The following NTN1 variants were observed in gnomAD, a reference collection of about 807,000 sequenced individuals.
NTN1 encodes the protein netrin 1, also known as netrin-1.
NTN1 carries 11 observed loss-of-function variants against 54.2 expected under a neutral mutation model. The ratio of observed to expected loss-of-function variants is 0.20; its 90% CI spans 0.13 to 0.34. NTN1 has a LOEUF of 0.34. Among genes scored for constraint, NTN1 ranks in the 10% least tolerant of loss-of-function variants. The pLI, the probability that NTN1 is intolerant of heterozygous loss-of-function variation, is 1.00. For missense variants in NTN1, 740 were observed against 893.1 expected, an observed-to-expected ratio of 0.83 and a Z score of 2.18; for synonymous variants, 371 against 382.0, an observed-to-expected ratio of 0.97 and a Z score of 0.33.
the NTN1 span, among the ~76,000 whole-genome samples, chr17:9,008,725 G>C: frequency 6.6e-6 from 1 of 152,234 alleles, no homozygotes; most frequent in African/African-American, 2.4e-5. Flanking sequence ...GGAAGGAAGA[G>C]AGGGCGGGAG....
chr17:9,094,182 T>A (rs553859035), intron 2 of NTN1, among the ~76,000 whole-genome samples: 1 of 152,352 alleles, frequency 6.6e-6, no homozygotes, highest in Admixed American at 6.5e-5. Flanking sequence ...TACTGATATC[T>A]TGACTCTCTT....
chr17:9,056,564 A>G (rs542408627), intron 2 of NTN1, among the ~76,000 whole-genome samples: 6 of 152,348 alleles, frequency 3.9e-5, no homozygotes, highest in Admixed American at 2.0e-4. Context: ...GAGACCACCA[A>G]GTAGGTCTGG....
intron 2 of NTN1, among the ~76,000 whole-genome samples, chr17:9,044,740 G>A (rs1489824361): frequency 1.7e-5 from 1 of 57,566 alleles, no homozygotes; most frequent in Non-Finnish European, 3.2e-5. Flanking sequence ...CCTGCTTGGG[G>A]CAAAAAAAAA....
chr17:9,092,732 C>T (rs1187096248), intron 2 of NTN1, among the ~76,000 whole-genome samples: 2 of 150,804 alleles, frequency 1.3e-5, no homozygotes, highest in East Asian at 3.9e-4. Context: ...GCTGGGATTA[C>T]AGGCGCACAC....
intron 2 of NTN1, among the ~76,000 whole-genome samples, chr17:9,098,459 G>T (rs970882451): frequency 3.1e-4 from 47 of 152,358 alleles, no homozygotes; most frequent in Non-Finnish European, 2.9e-5. Context: ...GGTCTTGCAG[G>T]ATGGCTGGGA....
chr17:9,236,447 T>A (rs1023951356), intron 6 of NTN1, among the ~76,000 whole-genome samples: 13 of 152,240 alleles, frequency 8.5e-5, no homozygotes, highest in Admixed American at 6.5e-4. Flanking sequence ...TTGAATATTT[T>A]CAGCTGTATG....
intron 6 of NTN1, among the ~76,000 whole-genome samples, chr17:9,225,873 C>T (rs1396404403): frequency 6.6e-6 from 1 of 152,226 alleles, no homozygotes; most frequent in Non-Finnish European, 1.5e-5. Context: ...GGTTTGCTGC[C>T]CCTGCTGGGT....
At chr17:9,193,401 C>T (rs1054447206) in intron 5 of NTN1, among the ~76,000 whole-genome samples, 2 of 152,190 alleles carry the variant, frequency 1.3e-5, no homozygotes, top group Admixed American at 1.3e-4. Context: ...GTTTCAACTA[C>T]CTTTTCTGTT....
chr17:9,118,999 T>A (rs1283830032), intron 2 of NTN1, among the ~76,000 whole-genome samples: 8 of 152,194 alleles, frequency 5.3e-5, no homozygotes, highest in Non-Finnish European at 1.0e-4. Context: ...CTCTTGGGTA[T>A]ATGCCTAGAA....
intron 2 of NTN1, among the ~76,000 whole-genome samples, chr17:9,115,744 T>TG (rs2092209755): frequency 6.6e-6 from 1 of 152,106 alleles, no homozygotes; most frequent in South Asian, 2.1e-4. Context: ...AACGAACGGA[T>TG]GGGCCGTGGC....
At chr17:9,057,136 C>G (rs868740196) in intron 2 of NTN1, among the ~76,000 whole-genome samples, 1 of 151,582 alleles carries the variant, frequency 6.6e-6, no homozygotes, top group African/African-American at 2.4e-5. Flanking sequence ...CCCCCTTCTC[C>G]CCCTCACCCC....
chr17:9,182,696 C>G (rs1029681585), intron 4 of NTN1, among the ~76,000 whole-genome samples: 19 of 152,342 alleles, frequency 1.2e-4, no homozygotes, highest in African/African-American at 4.6e-4. Context: ...CTCCACACCC[C>G]CCTGCCAGGT....
upstream of NTN1, among the ~76,000 whole-genome samples, chr17:9,020,757 C>T (rs2091843425): frequency 6.6e-6 from 1 of 152,202 alleles, no homozygotes; most frequent in Admixed American, 6.5e-5. Flanking sequence ...TGAGACCAGG[C>T]AGGCCCGTCT....
intron 6 of NTN1, among the ~76,000 whole-genome samples, chr17:9,223,972 T>C (rs1326672963): frequency 2.6e-5 from 4 of 152,152 alleles, no homozygotes; most frequent in African/African-American, 9.7e-5. Flanking sequence ...GGTTTTAGTC[T>C]CGAAGAACTC....
chr17:9,177,441 AGTGACCGAGCAACCTTTG>A (rs2092403327), intron 3 of NTN1: 1 of 152,272 alleles, frequency 6.6e-6, no homozygotes, highest in African/African-American at 2.4e-5. Context: ...CTGAACGTGC[AGTGACCGAGCAACCTTTG>A]GTGACCTCCC....
intron 6 of NTN1, among the ~76,000 whole-genome samples, chr17:9,227,727 A>G (rs903418789): frequency 6.6e-6 from 1 of 151,462 alleles, no homozygotes; most frequent in Non-Finnish European, 1.5e-5. Context: ...CACCACACAC[A>G]TCAGATACAC....
chr17:9,232,100 C>T (rs532120517), intron 6 of NTN1, among the ~76,000 whole-genome samples: 2 of 152,326 alleles, frequency 1.3e-5, no homozygotes, highest in African/African-American at 2.4e-5. Context: ...TTCAGGATGA[C>T]TCTGACAGCC....
At chr17:9,035,767 A>G (rs888605648) in intron 2 of NTN1, among the ~76,000 whole-genome samples, 20 of 152,180 alleles carry the variant, frequency 1.3e-4, no homozygotes, top group Non-Finnish European at 2.9e-4. Context: ...CATGCCTATC[A>G]TCCCAGCACT....
intron 4 of NTN1, 70 bp from the exon 5 acceptor site, chr17:9,182,846 A>T: frequency 6.6e-7 from 1 of 1,523,230 alleles, no homozygotes; most frequent in Non-Finnish European, 9.1e-7. Flanking sequence ...GCTCATTCTA[A>T]AGTCAAAAAA....
Sources: gnomAD v4.1 joint callset for allele counts (sites outside exome capture counted in the v4.1 genomes callset) on GRCh38, gnomAD v4.1.1 for gene constraint, MANE v1.5 for transcripts, NCBI Gene and HGNC (gene_info 2026-07-23, HGNC 2026-07-21) for gene names.